Variants in MYO1H observed in about 807,000 individuals in gnomAD.
MYO1H encodes the protein myosin IH.
Under a neutral mutation model 149.3 loss-of-function variants are expected in MYO1H, and 118 were observed. The ratio of observed to expected loss-of-function variants is 0.79; its 90% CI spans 0.68 to 0.92. The LOEUF is 0.92. Among genes scored for constraint, MYO1H ranks in the 40% least tolerant of loss-of-function variants. The pLI is 0.00. For synonymous variants in MYO1H, 447 were observed against 465.2 expected (o/e 0.96, Z 0.50); for missense variants, 1,212 against 1,280.7 (o/e 0.95, Z 0.82).
At chr12:109,336,588 GT>G in the MYO1H span, among the ~76,000 whole-genome samples, 1 of 152,144 alleles carries the variant, frequency 6.6e-6, no homozygotes, top group Non-Finnish European at 1.5e-5. Flanking sequence ...AGTACCAACA[GT>G]TTAGCAATTT....
At chr12:109,350,509 C>T (rs1262805572) in intron 1 of MYO1H, among the ~76,000 whole-genome samples, 3 of 152,180 alleles carry the variant, frequency 2.0e-5, no homozygotes, top group Non-Finnish European at 4.4e-5. Flanking sequence ...TTTCACCTTC[C>T]ACCGAGGTTG....
At position 109,349,320 on chromosome 12, in the gene MYO1H, G is replaced by C. The variant is rs184654583; in HGVS notation, c.12+1348G>C. Among the ~76,000 whole-genome samples, 153 of 152,166 alleles carry C rather than the reference G, an allele frequency of 1.0e-3. 1 individual carries two copies. Among genetic ancestry groups the C allele is most frequent in the African/African-American group, 3.4e-3 (141 of 41,526 alleles). ...CTTCCTTCTTATGAATTAATTCCCA[G>C]ATTCCTTTGGTAAAACATTATTTGG... On this transcript the variant is annotated intron_variant, in intron 1 of 31. Transcript: ENST00000310903.
chr12:109,445,873 T>C (rs949875872), intron 31 of MYO1H: 1 of 985,272 alleles, frequency 1.0e-6, no homozygotes, highest in Non-Finnish European at 1.2e-6. Context: ...ACTTCCCAAA[T>C]AGCAGAGTCT....
chr12:109,415,378 G>C (rs1292407202), intron 14 of MYO1H, 148 bp from the exon 15 acceptor site: 2 of 600,514 alleles, frequency 3.3e-6, no homozygotes, highest in East Asian at 2.9e-5. Context: ...CAGAGGCTGA[G>C]GCAGGAGAAT....
chr12:109,385,689 GGA>G (rs1337274528), intron 1 of MYO1H, among the ~76,000 whole-genome samples: 1 of 152,066 alleles, frequency 6.6e-6, no homozygotes, highest in Non-Finnish European at 1.5e-5. Flanking sequence ...GCTAGTGTAG[GGA>G]GACATCTGGT....
intron 15 of MYO1H, among the ~76,000 whole-genome samples, chr12:109,419,024 A>G (rs763146755): frequency 1.3e-3 from 192 of 152,352 alleles, no homozygotes; most frequent in Non-Finnish European, 2.3e-3. Flanking sequence ...AAGATAATAC[A>G]CATGTAGAGC....
At chr12:109,393,289 C>A in intron 2 of MYO1H, 42 bp from the exon 3 acceptor site, 1 of 1,233,306 alleles carries the variant, frequency 8.1e-7, no homozygotes, top group Non-Finnish European at 1.2e-6. Flanking sequence ...CAGTCTTTTG[C>A]ACCCCAGAAT....
the MYO1H span, among the ~76,000 whole-genome samples, chr12:109,334,556 C>A: frequency 3.5e-4 from 54 of 152,322 alleles, no homozygotes; most frequent in African/African-American, 1.3e-3. Context: ...AAAGCCAGGA[C>A]CAGATCCATT....
intron 20 of MYO1H, among the ~76,000 whole-genome samples, chr12:109,433,653 T>C (rs7313056): frequency 0.51 from 78,301 of 152,076 alleles, 21,223 homozygotes; most frequent in African/African-American, 0.68. Flanking sequence ...GGGCTTTCCC[T>C]GCTGACTCCT....
chr12:109,406,840 A>G, exon 9 of MYO1H: 7 of 1,613,850 alleles, frequency 4.3e-6, no homozygotes, highest in Non-Finnish European at 5.9e-6. Context: ...CCACAGAAAA[A>G]TTGAAGCCAA....
At chr12:109,325,772 C>T in the MYO1H span, among the ~76,000 whole-genome samples, 11 of 152,110 alleles carry the variant, frequency 7.2e-5, no homozygotes, top group African/African-American at 2.7e-4. Context: ...TATGAAGAGA[C>T]CCTTCTCAAA....
At chr12:109,344,427 A>C (rs1299748578), upstream of MYO1H, among the ~76,000 whole-genome samples, 1 of 152,226 alleles carries the variant, frequency 6.6e-6, no homozygotes, top group Non-Finnish European at 1.5e-5. Flanking sequence ...AAGTTAGCAA[A>C]AGAAGTGTAA....
intron 6 of MYO1H, 89 bp downstream of exon 6, chr12:109,401,361 T>C (rs1455695084): frequency 6.8e-6 from 9 of 1,330,862 alleles, no homozygotes; most frequent in Non-Finnish European, 9.2e-6. Flanking sequence ...GTTTGAGACA[T>C]TCTATTACCA....
intron 1 of MYO1H, among the ~76,000 whole-genome samples, chr12:109,355,860 G>T (rs557986504): frequency 6.9e-5 from 10 of 145,128 alleles, no homozygotes; most frequent in African/African-American, 2.6e-4. Context: ...GGTGTGTGCT[G>T]CCACGCCCAG....
chr12:109,366,874 C>T (rs1183320208), intron 1 of MYO1H, among the ~76,000 whole-genome samples: 2 of 152,096 alleles, frequency 1.3e-5, no homozygotes, highest in Non-Finnish European at 2.9e-5. Flanking sequence ...GCAAAATGCC[C>T]GCAAATCCGA....
Position 109,442,286 on chromosome 12 carries a change from T to C in MYO1H, c.2688+14T>C, listed in dbSNP as rs755191343. On this transcript the variant is annotated intron_variant, in intron 27 of 31. Transcript: ENST00000310903. Reference sequence around the variant, plus strand: ...GAGAAAATCCAGGTAAGGCGATGTGTGTCCTCAGTCTCAAACAGGATTCCC... The same window carrying C: ...GAGAAAATCCAGGTAAGGCGATGTGCGTCCTCAGTCTCAAACAGGATTCCC... The C allele has an allele frequency of 1.2e-6, 2 of 1,612,064 alleles. No homozygotes were observed. The highest frequency in any genetic ancestry group is 1.7e-6 in the Non-Finnish European group (2 of 1,178,160).
chr12:109,319,870 C>T, the MYO1H span, among the ~76,000 whole-genome samples: 5 of 152,274 alleles, frequency 3.3e-5, no homozygotes, highest in African/African-American at 1.2e-4. Context: ...AAATTGCCCC[C>T]AGCTTAGAAC....
intron 16 of MYO1H, among the ~76,000 whole-genome samples, chr12:109,422,828 C>A (rs1308664882): frequency 1.3e-5 from 2 of 152,152 alleles, no homozygotes; most frequent in African/African-American, 4.8e-5. Flanking sequence ...AATCCCAGCA[C>A]TTTGAAAGTC....
chr12:109,447,831 C>T (rs942382511), exon 32 of MYO1H: 2 of 152,546 alleles, frequency 1.3e-5, no homozygotes, highest in African/African-American at 2.4e-5. Context: ...CTCTGGCCAT[C>T]TGCAACCCTG....
Sources: gnomAD v4.1 joint callset for allele counts (sites outside exome capture counted in the v4.1 genomes callset) on GRCh38, gnomAD v4.1.1 for gene constraint, MANE v1.5 for transcripts, NCBI Gene and HGNC (gene_info 2026-07-23, HGNC 2026-07-21) for gene names.